Variants in SSBP3 observed in about 807,000 individuals in gnomAD.
SSBP3 encodes the protein single-stranded DNA-binding protein 3.
In SSBP3, 5 loss-of-function variants were observed where a neutral mutation model predicts 69.6. That is an observed-to-expected ratio of 0.07 (90% CI 0.04 to 0.15). The LOEUF (loss-of-function observed/expected upper bound fraction) is 0.15. SSBP3 is among the 10% of genes least tolerant of loss of function. SSBP3 has a pLI of 1.00. For synonymous variants in SSBP3, 196 were observed against 193.4 expected (o/e 1.01, Z -0.11); for missense variants, 312 against 534.0 (o/e 0.58, Z 4.10).
chr1:54,265,629 G>A (rs1645088458), intron 5 of SSBP3, among the ~76,000 whole-genome samples: 2 of 152,288 alleles, frequency 1.3e-5, no homozygotes, highest in Non-Finnish European at 2.9e-5. Context: ...TAGAGGTCTG[G>A]CAATGGTGTG....
chr1:54,366,985 C>G (rs1372317685), intron 4 of SSBP3, among the ~76,000 whole-genome samples: 1 of 152,154 alleles, frequency 6.6e-6, no homozygotes, highest in East Asian at 1.9e-4. Context: ...CCTCCGAATC[C>G]CTCGTGCTGG....
At chr1:54,322,414 G>T (rs1646229642) in intron 4 of SSBP3, among the ~76,000 whole-genome samples, 1 of 152,186 alleles carries the variant, frequency 6.6e-6, no homozygotes, top group African/African-American at 2.4e-5. Flanking sequence ...CTTCTCTGAT[G>T]TGTGCCCACC....
intron 14 of SSBP3, chr1:54,237,291 T>C (rs550638534): frequency 6.6e-6 from 1 of 152,336 alleles, no homozygotes; most frequent in South Asian, 2.1e-4. Context: ...GACTTTTAGT[T>C]TGTAACCTCC....
chr1:54,305,162 T>C (rs1274883906), intron 4 of SSBP3, among the ~76,000 whole-genome samples: 2 of 152,142 alleles, frequency 1.3e-5, no homozygotes, highest in African/African-American at 4.8e-5. Context: ...AACTCTGGGC[T>C]CTTTCTTAAC....
At chr1:54,324,265 C>T (rs571781413) in intron 4 of SSBP3, among the ~76,000 whole-genome samples, 1 of 152,324 alleles carries the variant, frequency 6.6e-6, no homozygotes, top group Admixed American at 6.5e-5. Context: ...GCAGACAAAG[C>T]CCCTTTACAA....
chr1:54,364,903 G>A (rs761233027), intron 4 of SSBP3, among the ~76,000 whole-genome samples: 12 of 152,134 alleles, frequency 7.9e-5, no homozygotes, highest in African/African-American at 1.7e-4. Context: ...CCAAACTAGC[G>A]GGGTTTGTGC....
chr1:54,243,033 G>C (rs1644669255), intron 10 of SSBP3: 1 of 606,758 alleles, frequency 1.6e-6, no homozygotes, highest in Non-Finnish European at 3.0e-6. Context: ...CAGCATGCCT[G>C]AACCGTGCCC....
rs141709165 is a variant in SSBP3, at chr1:54,230,908, C to T, written c.928-2082G>A. ...ATATACCACATTTCATTTATCCATTCATCAGCAGAAGGAACGTTCAGGTTA... is the reference window on the plus strand; with the variant it reads ...ATATACCACATTTCATTTATCCATTTATCAGCAGAAGGAACGTTCAGGTTA... On this transcript the variant is annotated intron_variant, in intron 14 of 17. Transcript: ENST00000610401. Among the ~76,000 whole-genome samples the T allele has an allele frequency of 2.8e-4, 43 of 152,330 alleles. No homozygotes were observed. In the East Asian group the frequency reaches 6.6e-3, roughly 23 times the overall value.
chr1:54,339,021 TAC>T (rs1646560494), intron 4 of SSBP3, among the ~76,000 whole-genome samples: 1 of 152,230 alleles, frequency 6.6e-6, no homozygotes, highest in South Asian at 2.1e-4. Flanking sequence ...TGTAGCACTT[TAC>T]AGTCTGCAGA....
intron 14 of SSBP3, chr1:54,237,842 G>A: frequency 3.1e-6 from 1 of 320,052 alleles, no homozygotes; most frequent in South Asian, 2.8e-5. Flanking sequence ...AGCGTGCGGA[G>A]TTGCAGCCTG....
intron 4 of SSBP3, among the ~76,000 whole-genome samples, chr1:54,332,906 G>A (rs1156797782): frequency 1.3e-5 from 2 of 152,196 alleles, no homozygotes; most frequent in Non-Finnish European, 2.9e-5. Context: ...AGGGGAGTAA[G>A]CAAACATGCA....
intron 4 of SSBP3, among the ~76,000 whole-genome samples, chr1:54,376,025 G>A (rs1647222077): frequency 6.6e-6 from 1 of 152,090 alleles, no homozygotes; most frequent in South Asian, 2.1e-4. Flanking sequence ...GGGGAGGAAA[G>A]AGCCTTTGTG....
intron 4 of SSBP3, among the ~76,000 whole-genome samples, chr1:54,376,906 C>A (rs1297630019): frequency 1.3e-5 from 2 of 152,132 alleles, no homozygotes; most frequent in Non-Finnish European, 2.9e-5. Flanking sequence ...CAAGTCATGA[C>A]CATGACAATG....
intron 4 of SSBP3, among the ~76,000 whole-genome samples, chr1:54,348,336 T>C (rs1646725607): frequency 6.7e-6 from 1 of 149,404 alleles, no homozygotes; most frequent in African/African-American, 2.5e-5. Context: ...AAAAGGAGCC[T>C]GCGGGTCAAG....
At chr1:54,359,208 CAAAAAAAAAAA>C (rs56901465) in intron 4 of SSBP3, among the ~76,000 whole-genome samples, 14 of 75,476 alleles carry the variant, frequency 1.9e-4, no homozygotes, top group African/African-American at 4.7e-4. Context: ...ACCCTCCCCT[CAAAAAAAAAAA>C]AAAAAAAAAA....
intron 5 of SSBP3, among the ~76,000 whole-genome samples, chr1:54,270,880 C>T (rs1645180851): frequency 6.6e-6 from 1 of 152,194 alleles, no homozygotes; most frequent in Non-Finnish European, 1.5e-5. Flanking sequence ...CTCGAGGAAA[C>T]CCATGTGCCC....
At chr1:54,369,619 T>TA (rs1326206027) in intron 4 of SSBP3, among the ~76,000 whole-genome samples, 1 of 152,172 alleles carries the variant, frequency 6.6e-6, no homozygotes, top group African/African-American at 2.4e-5. Flanking sequence ...GGTCTGGCTA[T>TA]ACAAGGGCAG....
At chr1:54,285,388 G>A (rs749723137) in intron 4 of SSBP3, 3 of 152,116 alleles carry the variant, frequency 2.0e-5, no homozygotes, top group Non-Finnish European at 4.4e-5. Context: ...CAACCCTCCT[G>A]CAGCTCAACG....
At chr1:54,317,057 T>TGG (rs1646127531) in intron 4 of SSBP3, among the ~76,000 whole-genome samples, 1 of 152,158 alleles carries the variant, frequency 6.6e-6, no homozygotes, top group Non-Finnish European at 1.5e-5. Flanking sequence ...ATGTGAATTT[T>TGG]GGGGAGACTC....
Sources: gnomAD v4.1 joint callset for allele counts (sites outside exome capture counted in the v4.1 genomes callset) on GRCh38, gnomAD v4.1.1 for gene constraint, MANE v1.5 for transcripts, NCBI Gene and HGNC (gene_info 2026-07-23, HGNC 2026-07-21) for gene names.